NME7: variants seen among roughly 807,000 people sequenced by gnomAD.
NME7 encodes the protein NME/NM23 family member 7.
Under a neutral mutation model 49.1 loss-of-function variants are expected in NME7, and 41 were observed. The ratio of observed to expected loss-of-function variants is 0.83; its 90% CI spans 0.65 to 1.08. The LOEUF (loss-of-function observed/expected upper bound fraction) is 1.08, where lower values mean the gene tolerates loss of function less well. Among genes scored for constraint, NME7 ranks in the 50% least tolerant of loss-of-function variants. The pLI is 0.00. For missense variants in NME7, 423 were observed against 463.4 expected (o/e 0.91, Z 0.80); for synonymous variants, 139 against 150.6 (o/e 0.92, Z 0.56).
Position 169,367,728 on chromosome 1 carries a change from A to T in NME7, c.-18T>A, listed in dbSNP as rs751659915. 9.3e-6 allele frequency: 15 copies of T among 1,614,134 alleles called. No homozygotes were observed. Among genetic ancestry groups the T allele is most frequent in the Non-Finnish European group, 1.3e-5 (15 of 1,179,992 alleles). ...CTCACCATTGTCTCAGGATCTCAGC[A>T]CTAGAAAATAGGTATCGTTGAGACA... On this transcript the variant is annotated 5_prime_UTR_variant, in exon 1 of 12. Transcript: ENST00000367811.
At chr1:169,328,774 A>T (rs182657143) in intron 1 of NME7, among the ~76,000 whole-genome samples, 131 of 152,280 alleles carry the variant, frequency 8.6e-4, no homozygotes, top group Admixed American at 1.6e-3. Context: ...TTTTAGTAAC[A>T]ATTTTCTTTT....
At chr1:169,164,230 T>C (rs919759980) in intron 11 of NME7, among the ~76,000 whole-genome samples, 8 of 152,158 alleles carry the variant, frequency 5.3e-5, no homozygotes, top group Non-Finnish European at 1.0e-4. Flanking sequence ...GAGTCTTCTC[T>C]ATAAAGTGTG....
At chr1:169,166,058 A>G (rs1659404763) in intron 11 of NME7, among the ~76,000 whole-genome samples, 1 of 152,200 alleles carries the variant, frequency 6.6e-6, no homozygotes, top group Non-Finnish European at 1.5e-5. Flanking sequence ...GTAATAATCT[A>G]TTTCAAACAA....
At chr1:169,341,955 C>T (rs145330649) in intron 1 of NME7, among the ~76,000 whole-genome samples, 2,184 of 152,132 alleles carry the variant, frequency 0.014, 47 homozygotes, top group African/African-American at 0.047. Flanking sequence ...AAAAGACTTG[C>T]CTTGTCTCAG....
rs562916799 is a variant in NME7 at position 169,262,231 on chromosome 1, C to T, written c.755-24544G>A. On this transcript the variant is annotated intron_variant, in intron 7 of 11. Transcript: ENST00000367811. ...TGATGAGAGGCCACATGGAAAGAGT[C>T]TTTTGAGAATGAGATTCAGTCTTGT... Among the ~76,000 whole-genome samples the T allele has an allele frequency of 8.2e-5, 11 of 133,844 alleles. 3 individuals carry two copies. In the South Asian group the frequency reaches 1.1e-3, roughly 14 times the overall value. The allele number at this position is 133,844 out of a possible 152,430, so 87.8% of individuals were successfully genotyped here.
chr1:169,197,076 T>G (rs930557955), intron 10 of NME7, among the ~76,000 whole-genome samples: 1 of 152,136 alleles, frequency 6.6e-6, no homozygotes, highest in Non-Finnish European at 1.5e-5. Context: ...CATGTTTTCA[T>G]GATTCTGTTT....
chr1:169,239,711 A>G (rs2001156), intron 7 of NME7, among the ~76,000 whole-genome samples: 12,588 of 152,132 alleles, frequency 0.083, 704 homozygotes, highest in Admixed American at 0.19. Flanking sequence ...TAGAACTGAA[A>G]TGATGCCAAG....
chr1:169,319,275 C>T (rs779656628), intron 3 of NME7, among the ~76,000 whole-genome samples: 12 of 151,954 alleles, frequency 7.9e-5, no homozygotes, highest in Non-Finnish European at 1.3e-4. Flanking sequence ...ATAGAAAAAA[C>T]GTATAGTTCA....
intron 1 of NME7, among the ~76,000 whole-genome samples, chr1:169,365,796 C>T (rs1400838): frequency 0.12 from 18,305 of 151,532 alleles, 1,161 homozygotes; most frequent in Admixed American, 0.14. Flanking sequence ...AAAATAATCA[C>T]GAAATGAGGA....
chr1:169,349,057 A>G (rs1296024660), intron 1 of NME7, among the ~76,000 whole-genome samples: 4 of 152,204 alleles, frequency 2.6e-5, no homozygotes, highest in African/African-American at 9.6e-5. Context: ...AAGAATATAC[A>G]GTAGGCATTC....
intron 10 of NME7, among the ~76,000 whole-genome samples, chr1:169,175,265 A>G (rs575396384): frequency 6.6e-6 from 1 of 152,226 alleles, no homozygotes; most frequent in South Asian, 2.1e-4. Context: ...TTTAGGGACA[A>G]TAACACACAT....
At chr1:169,187,857 T>A (rs1660117954) in intron 10 of NME7, among the ~76,000 whole-genome samples, 1 of 152,218 alleles carries the variant, frequency 6.6e-6, no homozygotes, top group Non-Finnish European at 1.5e-5. Context: ...GTCTTTAAAA[T>A]TTGGTATGTT....
At chr1:169,157,274 C>T (rs931091393) in intron 11 of NME7, among the ~76,000 whole-genome samples, 2 of 152,150 alleles carry the variant, frequency 1.3e-5, no homozygotes, top group Non-Finnish European at 2.9e-5. Flanking sequence ...TAAAAGCCTG[C>T]AATATGTTAG....
At chr1:169,331,812 A>G (rs1034289714) in intron 1 of NME7, among the ~76,000 whole-genome samples, 1 of 21,000 alleles carries the variant, frequency 4.8e-5, no homozygotes, top group Non-Finnish European at 8.3e-5. Context: ...AATTTGAAAA[A>G]GACCAAAAAA....
intron 6 of NME7, among the ~76,000 whole-genome samples, chr1:169,292,487 T>C (rs896990463): frequency 2.0e-5 from 3 of 151,954 alleles, no homozygotes; most frequent in Non-Finnish European, 2.9e-5. Flanking sequence ...AAAAGGCAAA[T>C]AAAAATTACC....
chr1:169,199,469 T>G (rs895989179), intron 10 of NME7, among the ~76,000 whole-genome samples: 1 of 146,632 alleles, frequency 6.8e-6, no homozygotes. Context: ...ATTATTATTA[T>G]TATTATTATT....
At chr1:169,209,282 T>C (rs189643014) in intron 10 of NME7, among the ~76,000 whole-genome samples, 82 of 152,240 alleles carry the variant, frequency 5.4e-4, no homozygotes, top group African/African-American at 1.9e-3. Context: ...TTTTTGCTAT[T>C]TCTACCTCCT....
At chr1:169,238,528 T>A (rs1174360509) in intron 7 of NME7, among the ~76,000 whole-genome samples, 1 of 146,874 alleles carries the variant, frequency 6.8e-6, no homozygotes, top group Non-Finnish European at 1.5e-5. Flanking sequence ...ATATTCTGGA[T>A]CATCTGGATC....
chr1:169,297,252 G>A, intron 6 of NME7, among the ~76,000 whole-genome samples: 1 of 152,140 alleles, frequency 6.6e-6, no homozygotes, highest in East Asian at 1.9e-4. Context: ...GGGATTACAG[G>A]TGTGAGCCAC....
Sources: gnomAD v4.1 joint callset for allele counts (sites outside exome capture counted in the v4.1 genomes callset) on GRCh38, gnomAD v4.1.1 for gene constraint, MANE v1.5 for transcripts, NCBI Gene and HGNC (gene_info 2026-07-23, HGNC 2026-07-21) for gene names.